Variants in TENM4 observed in about 807,000 individuals in gnomAD.
The protein encoded by TENM4 is teneurin-4.
A neutral mutation model predicts 243.3 loss-of-function variants in TENM4; 82 were observed. The observed-to-expected ratio is 0.34, with a 90% CI of 0.28 to 0.40. The LOEUF (loss-of-function observed/expected upper bound fraction) is 0.40. Ranked by LOEUF, TENM4 falls within the 10% of genes least tolerant of loss-of-function variation. TENM4 has a pLI of 1.00. For synonymous variants in TENM4, 1,412 were observed against 1,456.3 expected, an observed-to-expected ratio of 0.97 and a Z score of 0.69; for missense variants, 3,138 against 3,673.3, an observed-to-expected ratio of 0.85 and a Z score of 3.77.
chr11:78,716,137 G>C (rs1399559399), intron 25 of TENM4, among the ~76,000 whole-genome samples: 1 of 152,126 alleles, frequency 6.6e-6, no homozygotes, highest in Non-Finnish European at 1.5e-5. Context: ...TTCCTAAGTG[G>C]CAGGATGAAA....
At chr11:78,843,299 A>G (rs764365145) in intron 12 of TENM4, among the ~76,000 whole-genome samples, 9 of 152,046 alleles carry the variant, frequency 5.9e-5, no homozygotes, top group Non-Finnish European at 1.0e-4. Flanking sequence ...AAATAAACAT[A>G]GAGAGATCCT....
intron 1 of TENM4, among the ~76,000 whole-genome samples, chr11:79,427,264 G>GA (rs1214040948): frequency 6.6e-6 from 1 of 152,146 alleles, no homozygotes; most frequent in Non-Finnish European, 1.5e-5. Context: ...CTTTGACCTA[G>GA]AAATTTCAAG....
chr11:78,805,282 C>CCCCCCCCCACCCCCCCCCCCCCCTT lies in TENM4; in HGVS notation c.2179+9_2179+10insAAGGGGGGGGGGGGGGTGGGGGGGG. On this transcript the variant is annotated intron_variant, in intron 15 of 33. Transcript: ENST00000278550. Reference sequence around the variant, plus strand: ...CCCTCTACCCATGCTTCTTCTCCCCCTGCATTTACCGATAGAACAGTCGTG... The same window carrying CCCCCCCCCACCCCCCCCCCCCCCTT: ...CCCTCTACCCATGCTTCTTCTCCCCCCCCCCCCCACCCCCCCCCCCCCCTTTGCATTTACCGATAGAACAGTCGTG... The CCCCCCCCCACCCCCCCCCCCCCCTT allele has an allele frequency of 4.0e-6, 4 of 995,568 alleles. No homozygotes were observed. The highest frequency in any genetic ancestry group is 6.5e-5 in the South Asian group (2 of 30,968). The allele number at this position is 995,568 out of a possible 1,614,324, so 61.7% of individuals were successfully genotyped here. A position where few individuals can be genotyped will look rare whatever the true frequency, so the allele number is the denominator to read the frequency against.
intron 1 of TENM4, among the ~76,000 whole-genome samples, chr11:79,387,573 C>G (rs774759724): frequency 2.6e-5 from 4 of 152,208 alleles, no homozygotes; most frequent in Non-Finnish European, 5.9e-5. Context: ...TGTACCCACA[C>G]TTACATATGG....
intron 1 of TENM4, among the ~76,000 whole-genome samples, chr11:79,381,134 C>T (rs1158040405): frequency 6.6e-6 from 1 of 152,040 alleles, no homozygotes; most frequent in East Asian, 1.9e-4. Flanking sequence ...GCCCTTCTGA[C>T]CTCCTTGCTA....
intron 7 of TENM4, among the ~76,000 whole-genome samples, chr11:78,892,141 T>C (rs1000754538): frequency 6.6e-6 from 1 of 152,182 alleles, no homozygotes; most frequent in Non-Finnish European, 1.5e-5. Flanking sequence ...CCCAAGTGCA[T>C]AGCATTTTGT....
chr11:78,776,104 C>T (rs1000504393), intron 17 of TENM4, among the ~76,000 whole-genome samples: 1 of 152,128 alleles, frequency 6.6e-6, no homozygotes, highest in South Asian at 2.1e-4. Context: ...TCATCTCTTA[C>T]CTAGATGACA....
chr11:78,773,942 C>T (rs1856692485), intron 17 of TENM4, among the ~76,000 whole-genome samples: 1 of 152,144 alleles, frequency 6.6e-6, no homozygotes, highest in African/African-American at 2.4e-5. Context: ...AATTTTACAC[C>T]ATTTAATCCT....
At chr11:78,725,937 A>G (rs765547945) in intron 23 of TENM4, 142 bp downstream of exon 23, 23 of 1,158,898 alleles carry the variant, frequency 2.0e-5, no homozygotes, top group East Asian at 9.5e-5. Context: ...GAGGTCTTCA[A>G]GCAATATCTG....
At chr11:79,007,653 C>G (rs1305832323) in intron 6 of TENM4, among the ~76,000 whole-genome samples, 2 of 152,176 alleles carry the variant, frequency 1.3e-5, no homozygotes, top group East Asian at 1.9e-4. Flanking sequence ...GCCTCCTCCC[C>G]ACCTGTCTAG....
chr11:78,983,392 G>A (rs1489997746), intron 6 of TENM4, among the ~76,000 whole-genome samples: 1 of 152,198 alleles, frequency 6.6e-6, no homozygotes, highest in Non-Finnish European at 1.5e-5. Flanking sequence ...ATATCTGTTT[G>A]CAGATGATGA....
chr11:78,973,430 A>G (rs866119518), intron 6 of TENM4, among the ~76,000 whole-genome samples: 2 of 152,210 alleles, frequency 1.3e-5, no homozygotes, highest in Admixed American at 1.3e-4. Context: ...ATGGCAAATG[A>G]TGCTTGGCAT....
intron 2 of TENM4, among the ~76,000 whole-genome samples, chr11:79,296,590 G>A (rs1856458113): frequency 6.6e-6 from 1 of 152,234 alleles, no homozygotes; most frequent in Non-Finnish European, 1.5e-5. Flanking sequence ...CTGCCAAGTG[G>A]TAGAATGCAA....
chr11:79,098,335 C>T (rs910983980), intron 4 of TENM4, among the ~76,000 whole-genome samples: 11 of 152,054 alleles, frequency 7.2e-5, no homozygotes, highest in Admixed American at 3.3e-4. Flanking sequence ...GCTAGCTCTG[C>T]CCCCAGGGCC....
chr11:78,707,903 C>T (rs894702474), intron 27 of TENM4, among the ~76,000 whole-genome samples: 1 of 152,212 alleles, frequency 6.6e-6, no homozygotes, highest in Non-Finnish European at 1.5e-5. Context: ...AGGATTCAAT[C>T]AATCGATTAA....
chr11:78,674,080 G>C (rs1858404112), intron 30 of TENM4, among the ~76,000 whole-genome samples: 1 of 152,154 alleles, frequency 6.6e-6, no homozygotes, highest in African/African-American at 2.4e-5. Flanking sequence ...CTCCCCTCAG[G>C]GTGGTGCCAC....
intron 13 of TENM4, 53 bp from the exon 14 acceptor site, chr11:78,812,369 C>A (rs1177391475): frequency 6.6e-7 from 1 of 1,525,150 alleles, no homozygotes; most frequent in South Asian, 1.2e-5. Context: ...CACACCCCAA[C>A]TGCCTTTGTC....
intron 28 of TENM4, among the ~76,000 whole-genome samples, chr11:78,699,498 GAAAACA>G (rs887259781): frequency 4.6e-5 from 7 of 152,128 alleles, no homozygotes; most frequent in Admixed American, 2.6e-4. Context: ...TAGGATCTCA[GAAAACA>G]AAAACAAAAA....
rs1466823855 is a variant in TENM4, at chr11:79,191,137, C to T, written c.-163+24671G>A. ...CCCTCTCCCTCTCCCTCTCCCGTCT[C>T]CCTCTCCCTCTCCTTTCCACGGTCT... On this transcript the variant is annotated intron_variant, in intron 3 of 33. Coordinates refer to ENST00000278550, the MANE Select transcript of TENM4 (RefSeq NM_001098816.3). 2.8e-3 allele frequency among the ~76,000 whole-genome samples: 173 copies of T among 62,876 alleles called. 1 individual carries two copies. Among genetic ancestry groups the T allele is most frequent in the African/African-American group, 0.011 (168 of 15,580 alleles). 41.2% of individuals were successfully genotyped at this position (62,876 alleles called of 152,430 possible).
Sources: gnomAD v4.1 joint callset for allele counts (sites outside exome capture counted in the v4.1 genomes callset) on GRCh38, gnomAD v4.1.1 for gene constraint, MANE v1.5 for transcripts, NCBI Gene and HGNC (gene_info 2026-07-23, HGNC 2026-07-21) for gene names.